The following KIF7 variants were observed in gnomAD, a reference collection of about 807,000 sequenced individuals.
The protein encoded by KIF7 is kinesin-like protein KIF7.
KIF7 carries 104 observed loss-of-function variants against 135.7 expected under a neutral mutation model. That is an observed-to-expected ratio of 0.77 (90% CI 0.65 to 0.90). KIF7 has a LOEUF of 0.90. KIF7 is among the 40% of genes least tolerant of loss of function. The pLI, the probability that KIF7 is intolerant of heterozygous loss-of-function variation, is 0.00. For missense variants in KIF7, 2,005 were observed against 1,839.1 expected (o/e 1.09, Z -1.65); for synonymous variants, 883 against 809.4 (o/e 1.09, Z -1.54).
chr15:89,633,072 T>TG, intron 13 of KIF7, 69 bp downstream of exon 13: 2 of 1,600,128 alleles, frequency 1.2e-6, no homozygotes, highest in Non-Finnish European at 1.7e-6. Context: ...CGAGGTTCAC[T>TG]GGGGAGAAAG....
In KIF7 at chr15:89,628,424, G is replaced by A; in HGVS notation, c.4027C>T (p.Leu1343=). 2 of 1,605,436 alleles carry A rather than the reference G, an allele frequency of 1.2e-6. No homozygotes were observed. Among genetic ancestry groups the A allele is most frequent in the Non-Finnish European group, 1.7e-6 (2 of 1,175,792 alleles). Residue 1343 remains leucine, a synonymous_variant, in exon 19 of 19, where the codon CTG becomes TTG. Transcript: ENST00000394412. ...GCAGGGTCTGCCCCGAGGGCTTACA[G>A]GGGGTTTTTCCGGACATCAATCATC... is the stretch of plus-strand genomic sequence containing the variant. ...PGMIDVRKNP[L]
downstream of KIF7, chr15:89,627,439 C>T (rs943861564): frequency 1.2e-5 from 3 of 254,710 alleles, no homozygotes; most frequent in Non-Finnish European, 2.3e-5. Context: ...GAAAGGCGCC[C>T]TCCCTGGGGT....
At chr15:89,638,483 A>T (rs1249323222) in intron 11 of KIF7, among the ~76,000 whole-genome samples, 2 of 151,588 alleles carry the variant, frequency 1.3e-5, no homozygotes, top group Non-Finnish European at 2.9e-5. Flanking sequence ...CAAAAATCAC[A>T]AGCATTCTTA....
At chr15:89,636,687 G>T (rs1963814939) in intron 11 of KIF7, among the ~76,000 whole-genome samples, 1 of 75,650 alleles carries the variant, frequency 1.3e-5, no homozygotes, top group Admixed American at 1.2e-4. Context: ...AGCAAGTCCT[G>T]AGTGACCTAC....
chr15:89,618,276 T>A lies in KIF7; in HGVS notation c.181-81A>T, dbSNP rs941689919. On this transcript the variant is annotated intron_variant and NMD_transcript_variant, in intron 1 of 2. Transcript: ENST00000558928. ...GCTTCTATGAAAACCTTTCTGTATG[T>A]ATTGTTACTTGGCATATCCTAAGAT... 4 of 1,417,228 alleles carry A rather than the reference T, an allele frequency of 2.8e-6. No individual in the cohort carries two copies. The African/African-American group carries it at 5.7e-5, about 20-fold the overall frequency. The allele number at this position is 1,417,228 out of a possible 1,614,324, so 87.8% of individuals were successfully genotyped here. A position where few individuals can be genotyped will look rare whatever the true frequency, so the allele number is the denominator to read the frequency against.
rs1045094847 is a variant in KIF7 at position 89,645,883 on chromosome 15, T to A, written c.1922+10A>T. On this transcript the variant is annotated intron_variant, in intron 8 of 18. Transcript: ENST00000394412. ...GTCCTTGTCAGGTGGGGGCAGTGGG[T>A]CCCACTCACCTGCGCAGGTGTAAGG... 4 of 1,612,502 alleles carry A rather than the reference T, an allele frequency of 2.5e-6. No homozygotes were observed. In the Admixed American group the frequency reaches 5.0e-5, roughly 20 times the overall value.
At chr15:89,631,743 AACAGGCACTGTCCTC>A (rs1963683353) in intron 14 of KIF7, 33 bp from the exon 15 acceptor site, 2 of 1,529,156 alleles carry the variant, frequency 1.3e-6, no homozygotes, top group Admixed American at 2.0e-5. Flanking sequence ...TTAGAGAAGG[AACAGGCACTGTCCTC>A]ACAGGGGGGA....
upstream of KIF7, among the ~76,000 whole-genome samples, chr15:89,659,489 AAAGGAAGGAAAG>A (rs983651412): frequency 6.6e-6 from 1 of 151,436 alleles, no homozygotes; most frequent in African/African-American, 2.4e-5. Context: ...AAAGAGAAAG[AAAGGAAGGAAAG>A]AAGGAAGGAA....
At chr15:89,660,364 C>T (rs1964245740), upstream of KIF7, among the ~76,000 whole-genome samples, 1 of 152,112 alleles carries the variant, frequency 6.6e-6, no homozygotes. Flanking sequence ...TTTCCCATCC[C>T]CCTTTTAAAC....
At chr15:89,647,368 TCCAAGCTCACA>T (rs1478809186) in intron 6 of KIF7, among the ~76,000 whole-genome samples, 1 of 151,922 alleles carries the variant, frequency 6.6e-6, no homozygotes, top group Non-Finnish European at 1.5e-5. Context: ...CCCTCTCCCG[TCCAAGCTCACA>T]CCACCCAGCA....
the KIF7 span, among the ~76,000 whole-genome samples, chr15:89,660,931 G>C: frequency 6.6e-6 from 1 of 152,210 alleles, no homozygotes; most frequent in African/African-American, 2.4e-5. Flanking sequence ...TAGCACCCCT[G>C]GTGCAGAACT....
chr15:89,643,375 T>C (rs1324870777), intron 10 of KIF7, among the ~76,000 whole-genome samples: 2 of 152,226 alleles, frequency 1.3e-5, no homozygotes, highest in Non-Finnish European at 2.9e-5. Flanking sequence ...AAGGAAGATG[T>C]GGGTCAGTTA....
upstream of KIF7, among the ~76,000 whole-genome samples, chr15:89,657,310 C>CAA (rs369464990): frequency 2.4e-3 from 239 of 98,116 alleles, 3 homozygotes; most frequent in East Asian, 6.5e-3. Context: ...GACCCTGTCT[C>CAA]AAAAAAAAAA....
intron 1 of KIF7, chr15:89,621,354 G>T: frequency 1.3e-6 from 2 of 1,577,748 alleles, no homozygotes; most frequent in South Asian, 1.2e-5. Context: ...AACAGGAATT[G>T]AGAAAGAATT....
At chr15:89,634,633 G>A (rs1050077962) in intron 11 of KIF7, among the ~76,000 whole-genome samples, 1 of 152,198 alleles carries the variant, frequency 6.6e-6, no homozygotes, top group Non-Finnish European at 1.5e-5. Context: ...CTTAAAAAAG[G>A]CACACCAGGA....
In KIF7 at chr15:89,648,346, C is replaced by T. The variant is rs1964054645; in HGVS notation, c.1352G>A (p.Arg451His). Residue 451 changes from arginine (R) to histidine (H), a missense_variant, in exon 5 of 19, where the codon CGC becomes CAC. By Grantham distance (29) the Arg-to-His change is conservative. Transcript: ENST00000394412. ...CCCGGAGGCGGAGCTCAGGGCGCTG[C>T]GCTCGCCCTCGACGGCGCACAGCCA... ...RDWLCAVEGE[R>H]SALSSASGPD... 5 of 1,460,198 alleles carry T rather than the reference C, an allele frequency of 3.4e-6. No homozygotes were observed. The highest frequency in any genetic ancestry group is 2.9e-5 in the African/African-American group (2 of 68,722). 90.5% of individuals were successfully genotyped at this position (1,460,198 alleles called of 1,614,324 possible).
upstream of KIF7, among the ~76,000 whole-genome samples, chr15:89,657,428 A>C (rs550354092): frequency 6.6e-6 from 1 of 152,288 alleles, no homozygotes; most frequent in South Asian, 2.1e-4. Context: ...AAAGAATTTC[A>C]TGATGGTGGA....
intron 11 of KIF7, among the ~76,000 whole-genome samples, chr15:89,636,126 G>A (rs1415752378): frequency 6.6e-6 from 1 of 152,100 alleles, no homozygotes; most frequent in Non-Finnish European, 1.5e-5. Flanking sequence ...ACAAGCAAAT[G>A]TTGAGAGATT....
chr15:89,660,695 C>T, the KIF7 span, among the ~76,000 whole-genome samples: 3 of 152,220 alleles, frequency 2.0e-5, no homozygotes, highest in Non-Finnish European at 4.4e-5. Flanking sequence ...ACTGTACTAT[C>T]GTTCAGCAAA....
Sources: gnomAD v4.1 joint callset for allele counts (sites outside exome capture counted in the v4.1 genomes callset) on GRCh38, gnomAD v4.1.1 for gene constraint, MANE v1.5 for transcripts, NCBI Gene and HGNC (gene_info 2026-07-23, HGNC 2026-07-21) for gene names.